Variants in CABIN1 observed in about 807,000 individuals in gnomAD.
CABIN1 encodes the protein calcineurin-binding protein cabin-1.
Under a neutral mutation model 227.7 loss-of-function variants are expected in CABIN1, and 133 were observed. The observed-to-expected ratio is 0.58, with a 90% confidence interval of 0.51 to 0.67. CABIN1 has a LOEUF of 0.67. Ranked by LOEUF, CABIN1 falls within the 30% of genes least tolerant of loss-of-function variation. CABIN1 has a pLI of 0.00. For missense variants in CABIN1, 2,408 were observed against 2,852.5 expected, an observed-to-expected ratio of 0.84 and a Z score of 3.55; for synonymous variants, 1,086 against 1,155.1, an observed-to-expected ratio of 0.94 and a Z score of 1.21.
chr22:24,109,933 G>C (rs1315952599), intron 26 of CABIN1, among the ~76,000 whole-genome samples: 1 of 152,224 alleles, frequency 6.6e-6, no homozygotes, highest in Non-Finnish European at 1.5e-5. Flanking sequence ...ACTTCGGGAG[G>C]CTGAGGTGGG....
At chr22:24,032,377 A>C (rs931704529) in intron 1 of CABIN1, among the ~76,000 whole-genome samples, 1 of 152,168 alleles carries the variant, frequency 6.6e-6, no homozygotes, top group African/African-American at 2.4e-5. Context: ...CATTTTGTTC[A>C]TTCATCTGTT....
chr22:24,139,386 C>T (rs1440318687), intron 29 of CABIN1, among the ~76,000 whole-genome samples: 7 of 152,034 alleles, frequency 4.6e-5, no homozygotes, highest in Admixed American at 6.6e-5. Flanking sequence ...ACCAGCCTGG[C>T]GAAACCCCAT....
chr22:24,041,674 C>T (rs1262863552), intron 5 of CABIN1, among the ~76,000 whole-genome samples: 1 of 152,164 alleles, frequency 6.6e-6, no homozygotes, highest in African/African-American at 2.4e-5. Context: ...ACTGAGCATT[C>T]AATATATTAA....
chr22:24,088,186 A>G (rs2041297033), intron 23 of CABIN1, among the ~76,000 whole-genome samples: 1 of 152,112 alleles, frequency 6.6e-6, no homozygotes, highest in South Asian at 2.1e-4. Context: ...CTTGAGATGG[A>G]AGTGAAGGAG....
At chr22:24,133,408 G>A (rs1231842793) in intron 28 of CABIN1, among the ~76,000 whole-genome samples, 2 of 152,242 alleles carry the variant, frequency 1.3e-5, no homozygotes, top group African/African-American at 4.8e-5. Flanking sequence ...TGCAGGCCAA[G>A]AAGTGAGAGG....
chr22:24,037,869 T>G (rs2037044879), intron 3 of CABIN1, among the ~76,000 whole-genome samples: 1 of 152,140 alleles, frequency 6.6e-6, no homozygotes, highest in African/African-American at 2.4e-5. Context: ...AAATCAGGGA[T>G]TCTCACCCCC....
intron 16 of CABIN1, among the ~76,000 whole-genome samples, chr22:24,068,604 T>C (rs766571292): frequency 3.9e-5 from 6 of 152,260 alleles, no homozygotes; most frequent in Non-Finnish European, 8.8e-5. Context: ...GGTTTCCTGA[T>C]TATTGCTCAG....
chr22:24,154,232 A>G (rs954009122), intron 29 of CABIN1, among the ~76,000 whole-genome samples: 2 of 152,174 alleles, frequency 1.3e-5, no homozygotes, highest in Admixed American at 1.3e-4. Flanking sequence ...ATAAGGTATG[A>G]AGTAAGGTCA....
chr22:24,136,749 A>G (rs908256237), intron 29 of CABIN1, among the ~76,000 whole-genome samples: 10 of 150,700 alleles, frequency 6.6e-5, no homozygotes, highest in Admixed American at 5.9e-4. Flanking sequence ...GCACACACAC[A>G]CACACACACA....
intron 1 of CABIN1, among the ~76,000 whole-genome samples, chr22:24,014,236 C>G (rs529140215): frequency 6.6e-6 from 1 of 152,292 alleles, no homozygotes; most frequent in South Asian, 2.1e-4. Flanking sequence ...GAAAGGAGAA[C>G]TACCCTCTCT....
chr22:24,112,743 C>T (rs994110128), intron 26 of CABIN1, among the ~76,000 whole-genome samples: 1 of 152,064 alleles, frequency 6.6e-6, no homozygotes, highest in Non-Finnish European at 1.5e-5. Context: ...GATTTCCTGC[C>T]CCTCCCTTAG....
chr22:24,017,917 G>T (rs1350103803), intron 1 of CABIN1, among the ~76,000 whole-genome samples: 1 of 152,028 alleles, frequency 6.6e-6, no homozygotes, highest in African/African-American at 2.4e-5. Flanking sequence ...TGTCACCCAG[G>T]CTGGAATGCA....
intron 6 of CABIN1, among the ~76,000 whole-genome samples, chr22:24,048,008 C>T (rs2038028935): frequency 6.6e-6 from 1 of 152,224 alleles, no homozygotes; most frequent in African/African-American, 2.4e-5. Context: ...GAATCCATGC[C>T]ATCCCATTTT....
intron 23 of CABIN1, among the ~76,000 whole-genome samples, chr22:24,088,542 A>C (rs926668653): frequency 6.6e-6 from 1 of 152,024 alleles, no homozygotes; most frequent in African/African-American, 2.4e-5. Context: ...TGAGAGGCAG[A>C]GGTTGCAGGG....
At chr22:24,059,550 A>T (rs1029067424) in intron 11 of CABIN1, among the ~76,000 whole-genome samples, 187 bp downstream of exon 11, 1 of 152,246 alleles carries the variant, frequency 6.6e-6, no homozygotes, top group African/African-American at 2.4e-5. Context: ...GTCCAGGCTC[A>T]TACTTGCTAT....
rs1052713713 is a variant in CABIN1, at chr22:24,164,664, C to T, written c.4910+101C>T. ...ACTGCTCTGGCCCAGCTGTGAGGAC[C>T]ACTGGCTGGGAGCCTGGACCAGCTC... On this transcript the variant is annotated intron_variant, in intron 30 of 36. Coordinates refer to ENST00000263119, the MANE Select transcript of CABIN1 (RefSeq NM_012295.4). The T allele has an allele frequency of 3.1e-5, 42 of 1,346,328 alleles. No homozygotes were observed. In the African/African-American group the frequency reaches 6.1e-4, roughly 19 times the overall value. 83.4% of individuals were successfully genotyped at this position (1,346,328 alleles called of 1,614,324 possible).
chr22:24,164,966 C>T (rs1382147569), intron 30 of CABIN1, among the ~76,000 whole-genome samples: 2 of 152,198 alleles, frequency 1.3e-5, no homozygotes, highest in Non-Finnish European at 2.9e-5. Context: ...GCCTGGGCCT[C>T]AGTGGTAAAC....
At chr22:24,159,059 G>A (rs1204869783) in intron 29 of CABIN1, among the ~76,000 whole-genome samples, 1 of 152,210 alleles carries the variant, frequency 6.6e-6, no homozygotes, top group African/African-American at 2.4e-5. Flanking sequence ...CTCTCTGCCT[G>A]TGGGCTTCTC....
intron 21 of CABIN1, 65 bp downstream of exon 21, chr22:24,084,850 C>G: frequency 6.4e-7 from 1 of 1,567,378 alleles, no homozygotes. Context: ...TCTGCCACTG[C>G]TGTATATGCT....
Sources: allele counts gnomAD v4.1 joint callset (sites outside exome capture counted in the v4.1 genomes callset), GRCh38; gene constraint gnomAD v4.1.1; transcripts MANE v1.5; gene names NCBI Gene and HGNC (gene_info 2026-07-23, HGNC 2026-07-21).